The following TTC39B variants were observed in gnomAD, a reference collection of about 807,000 sequenced individuals.
TTC39B encodes tetratricopeptide repeat domain 39B.
TTC39B carries 92 observed loss-of-function variants against 96.6 expected under a neutral mutation model. The ratio of observed to expected loss-of-function variants is 0.95; its 90% CI spans 0.80 to 1.13. TTC39B has a LOEUF of 1.13. TTC39B is among the 50% of genes most tolerant of loss of function. The pLI is 0.00. For synonymous variants in TTC39B, 367 were observed against 299.4 expected, an observed-to-expected ratio of 1.23 and a Z score of -2.33; for missense variants, 955 against 809.3, an observed-to-expected ratio of 1.18 and a Z score of -2.18.
intron 2 of TTC39B, chr9:15,250,214 C>T: frequency 9.0e-7 from 1 of 1,107,114 alleles, no homozygotes. Flanking sequence ...GTAGCGGATG[C>T]TTCTGCAGGA....
rs138159733 is a variant in TTC39B, at chr9:15,214,246, T to C, written c.375A>G (p.Ser125=). The change falls in exon 4 of 20, where the codon TCA becomes TCG. Residue 125 remains serine, a synonymous_variant. Transcript: ENST00000512701. ...TCTTGAGATCCACCTTGGTTGATGA[T>C]GAACTAAAGATCAAGAAAAAAGCAC... is the stretch of plus-strand genomic sequence containing the variant. The C allele has an allele frequency of 3.8e-5, 62 of 1,612,036 alleles. 1 individual carries two copies. Among genetic ancestry groups the C allele is most frequent in the Non-Finnish European group, 4.6e-5 (54 of 1,178,542 alleles).
At chr9:15,265,856 C>G (rs1041074170) in intron 2 of TTC39B, among the ~76,000 whole-genome samples, 1 of 152,112 alleles carries the variant, frequency 6.6e-6, no homozygotes, top group Admixed American at 6.5e-5. Context: ...ACAGACCAAT[C>G]TCAATTAAGG....
intron 7 of TTC39B, among the ~76,000 whole-genome samples, chr9:15,202,419 C>G (rs693196): frequency 6.6e-6 from 1 of 151,898 alleles, no homozygotes; most frequent in Non-Finnish European, 1.5e-5. Flanking sequence ...TCAAATAATT[C>G]AAAAGATTGT....
intron 1 of TTC39B, among the ~76,000 whole-genome samples, chr9:15,280,994 A>T (rs1470949456): frequency 6.6e-6 from 1 of 152,108 alleles, no homozygotes; most frequent in African/African-American, 2.4e-5. Flanking sequence ...AGTATTGAGA[A>T]GAATAATTTA....
chr9:15,203,951 G>C, intron 6 of TTC39B, 61 bp from the exon 7 acceptor site: 2 of 1,478,868 alleles, frequency 1.4e-6, no homozygotes, highest in Non-Finnish European at 1.8e-6. Context: ...ATTGCTCTGT[G>C]ATGTTCAGGA....
intron 1 of TTC39B, among the ~76,000 whole-genome samples, chr9:15,289,903 G>A (rs1244014479): frequency 6.6e-6 from 1 of 152,058 alleles, no homozygotes; most frequent in Admixed American, 6.6e-5. Context: ...TTATTCATGT[G>A]GGCAGGAGTA....
chr9:15,189,488 T>G (rs1487603942), intron 13 of TTC39B, 86 bp downstream of exon 13: 1 of 1,449,586 alleles, frequency 6.9e-7, no homozygotes, highest in Non-Finnish European at 9.5e-7. Flanking sequence ...CCAAGTTTAC[T>G]TTTGTTGAAT....
intron 8 of TTC39B, among the ~76,000 whole-genome samples, chr9:15,195,321 T>C (rs2131282416): frequency 6.6e-6 from 1 of 151,924 alleles, no homozygotes; most frequent in East Asian, 1.9e-4. Flanking sequence ...AAGAAAAAAA[T>C]GTTGGAAGCT....
intron 18 of TTC39B, among the ~76,000 whole-genome samples, chr9:15,176,437 C>G (rs1817942242): frequency 6.6e-6 from 1 of 152,174 alleles, no homozygotes; most frequent in African/African-American, 2.4e-5. Context: ...TAGATATTTT[C>G]TCTTTATTCT....
At chr9:15,222,707 G>C (rs1276984319) in intron 3 of TTC39B, among the ~76,000 whole-genome samples, 1 of 152,128 alleles carries the variant, frequency 6.6e-6, no homozygotes, top group Non-Finnish European at 1.5e-5. Context: ...ACATATCTAG[G>C]CTTGGTAAGT....
At chr9:15,213,928 AT>A (rs1482532515) in intron 4 of TTC39B, among the ~76,000 whole-genome samples, 9 of 152,350 alleles carry the variant, frequency 5.9e-5, no homozygotes, top group Admixed American at 2.0e-4. Context: ...AGATTAAAAT[AT>A]GCAAAACAAT....
intron 2 of TTC39B, among the ~76,000 whole-genome samples, chr9:15,264,939 G>C (rs1823076897): frequency 6.6e-6 from 1 of 152,040 alleles, no homozygotes; most frequent in Non-Finnish European, 1.5e-5. Flanking sequence ...GAACAAAAGA[G>C]TTGTTTTTGT....
chr9:15,251,417 C>A (rs1822531184), intron 2 of TTC39B, among the ~76,000 whole-genome samples: 2 of 151,508 alleles, frequency 1.3e-5, no homozygotes, highest in Admixed American at 6.6e-5. Context: ...ATAAAATTAG[C>A]CAGGCGTGGT....
intron 3 of TTC39B, among the ~76,000 whole-genome samples, chr9:15,218,609 C>A (rs1055927861): frequency 2.1e-5 from 3 of 140,034 alleles, no homozygotes; most frequent in Non-Finnish European, 3.1e-5. Flanking sequence ...TAAGTTAAGG[C>A]AGGATGAATT....
intron 17 of TTC39B, among the ~76,000 whole-genome samples, chr9:15,178,167 C>T (rs1367659386): frequency 6.6e-6 from 1 of 151,908 alleles, no homozygotes; most frequent in African/African-American, 2.4e-5. Context: ...CCGTGCCCGG[C>T]CTTAAGATCT....
At chr9:15,291,180 G>A (rs1420758160) in intron 1 of TTC39B, among the ~76,000 whole-genome samples, 1 of 152,166 alleles carries the variant, frequency 6.6e-6, no homozygotes, top group East Asian at 1.9e-4. Context: ...TTTGTGATAT[G>A]GTTTGGCTGT....
chr9:15,177,582 T>G, intron 18 of TTC39B, 115 bp downstream of exon 18: 1 of 674,824 alleles, frequency 1.5e-6, no homozygotes, highest in Non-Finnish European at 2.5e-6. Context: ...TTCTTTCTGG[T>G]AACACCAAGT....
chr9:15,212,731 T>C (rs982046367), intron 4 of TTC39B, among the ~76,000 whole-genome samples: 2 of 152,142 alleles, frequency 1.3e-5, no homozygotes, highest in Non-Finnish European at 2.9e-5. Flanking sequence ...CACTGAAACA[T>C]GTACAAAAAT....
intron 18 of TTC39B, 95 bp from the exon 19 acceptor site, chr9:15,175,230 G>T: frequency 1.2e-6 from 1 of 834,666 alleles, no homozygotes; most frequent in Non-Finnish European, 1.9e-6. Flanking sequence ...GAAAACATGT[G>T]CAGCACTAAG....
Sources: allele counts gnomAD v4.1 joint callset (sites outside exome capture counted in the v4.1 genomes callset), GRCh38; gene constraint gnomAD v4.1.1; transcripts MANE v1.5; gene names NCBI Gene and HGNC (gene_info 2026-07-23, HGNC 2026-07-21).